Variants in CEP112 observed in about 807,000 individuals in gnomAD.
CEP112 encodes the protein centrosomal protein of 112 kDa.
In CEP112, 127 loss-of-function variants were observed where a neutral mutation model predicts 153.0. The observed-to-expected ratio is 0.83, with a 90% CI of 0.72 to 0.96. The LOEUF (loss-of-function observed/expected upper bound fraction) is 0.96. CEP112 is among the 40% of genes least tolerant of loss of function. CEP112 has a pLI of 0.00. For synonymous variants in CEP112, 358 were observed against 374.4 expected (o/e 0.96, Z 0.51); for missense variants, 1,089 against 1,101.2 (o/e 0.99, Z 0.16).
intron 3 of CEP112, among the ~76,000 whole-genome samples, chr17:66,176,111 G>A (rs1483273896): frequency 6.6e-6 from 1 of 152,172 alleles, no homozygotes; most frequent in Non-Finnish European, 1.5e-5. Flanking sequence ...TGACTAAATT[G>A]TGCTTTAAGT....
At chr17:65,671,300 A>T (rs1190175182) in intron 24 of CEP112, among the ~76,000 whole-genome samples, 2 of 152,194 alleles carry the variant, frequency 1.3e-5, no homozygotes, top group African/African-American at 4.8e-5. Flanking sequence ...TAGCATCCAT[A>T]AGGGGAGAAG....
intron 12 of CEP112, among the ~76,000 whole-genome samples, chr17:66,049,427 T>C (rs1002643491): frequency 6.6e-6 from 1 of 152,126 alleles, no homozygotes; most frequent in African/African-American, 2.4e-5. Context: ...ACAGATGAAC[T>C]AAGAATTTTA....
chr17:65,952,663 T>C (rs940805602), intron 18 of CEP112, among the ~76,000 whole-genome samples: 7 of 152,154 alleles, frequency 4.6e-5, no homozygotes. Context: ...GGTCATTGTG[T>C]ATTTAACATT....
chr17:65,772,089 T>C (rs2053389528), intron 21 of CEP112, among the ~76,000 whole-genome samples: 1 of 152,106 alleles, frequency 6.6e-6, no homozygotes, highest in Non-Finnish European at 1.5e-5. Flanking sequence ...CATATACTTA[T>C]ACAATGCAGC....
At chr17:66,127,911 TTCAA>T (rs1350169645) in intron 6 of CEP112, among the ~76,000 whole-genome samples, 64 of 152,318 alleles carry the variant, frequency 4.2e-4, no homozygotes, top group Non-Finnish European at 8.8e-5. Flanking sequence ...AGTTCAGCCT[TTCAA>T]TCAGTCACTT....
intron 12 of CEP112, among the ~76,000 whole-genome samples, chr17:66,042,066 T>A (rs957240591): frequency 1.3e-5 from 2 of 152,054 alleles, no homozygotes; most frequent in African/African-American, 4.8e-5. Context: ...TATGTATTCA[T>A]GGCTGGGCAC....
intron 12 of CEP112, among the ~76,000 whole-genome samples, chr17:66,040,284 C>T (rs553144952): frequency 1.3e-5 from 2 of 151,942 alleles, no homozygotes; most frequent in Admixed American, 6.6e-5. Context: ...ATTTACATTT[C>T]CCTGACTATT....
intron 25 of CEP112, among the ~76,000 whole-genome samples, chr17:65,639,504 T>C (rs2318481): frequency 0.71 from 107,677 of 151,544 alleles, 39,616 homozygotes; most frequent in East Asian, 0.95. Context: ...AGCGAAACCC[T>C]GTCTCTACAA....
intron 1 of CEP112, 34 bp from the exon 2 acceptor site, chr17:66,183,341 T>C (rs370400863): frequency 1.7e-5 from 25 of 1,433,246 alleles, no homozygotes; most frequent in Non-Finnish European, 2.4e-5. Flanking sequence ...TATTAAGGAT[T>C]TGTATGCTGA....
chr17:66,113,890 G>A (rs1270221216), intron 6 of CEP112, among the ~76,000 whole-genome samples: 2 of 152,186 alleles, frequency 1.3e-5, no homozygotes, highest in Non-Finnish European at 1.5e-5. Flanking sequence ...AGCCAGATGT[G>A]CTTTGAAGTT....
intron 11 of CEP112, among the ~76,000 whole-genome samples, chr17:66,056,838 T>A (rs1383137203): frequency 1.3e-5 from 2 of 152,118 alleles, no homozygotes; most frequent in Non-Finnish European, 2.9e-5. Flanking sequence ...TGTGAATACA[T>A]CAAAAAAACC....
chr17:66,132,559 T>C, intron 5 of CEP112, 111 bp downstream of exon 5: 1 of 777,554 alleles, frequency 1.3e-6, no homozygotes, highest in Non-Finnish European at 2.2e-6. Context: ...ATCATCCAAC[T>C]TTATTCTGTT....
At chr17:66,115,034 G>T (rs1328153718) in intron 6 of CEP112, among the ~76,000 whole-genome samples, 2 of 151,904 alleles carry the variant, frequency 1.3e-5, no homozygotes, top group East Asian at 1.9e-4. Context: ...GTGAAACCCT[G>T]TCTCTACTAA....
At chr17:65,706,200 G>A (rs1012125340) in intron 23 of CEP112, among the ~76,000 whole-genome samples, 7 of 152,304 alleles carry the variant, frequency 4.6e-5, no homozygotes, top group Non-Finnish European at 1.5e-5. Flanking sequence ...GACTGGGAAC[G>A]TCTTCAGGAA....
chr17:65,983,561 G>T (rs2063302939), intron 17 of CEP112, among the ~76,000 whole-genome samples: 1 of 152,036 alleles, frequency 6.6e-6, no homozygotes, highest in Non-Finnish European at 1.5e-5. Flanking sequence ...ATTGGTTCAT[G>T]CCAGAGATAG....
At position 65,942,124 on chromosome 17, in the gene CEP112, CA is replaced by C. The variant is rs2061523321; in HGVS notation, c.1873-14436del. ...CCTGCATCCAGCAGGAGGTGAGTGG[CA>C]GGGTGAGTGAGCATTACCACCTAAG... On this transcript the variant is annotated intron_variant, in intron 18 of 26. Coordinates refer to ENST00000535342, the MANE Select transcript of CEP112 (RefSeq NM_001199165.4). Among the ~76,000 whole-genome samples, 5 of 152,252 alleles carry C rather than the reference CA, an allele frequency of 3.3e-5. No individual in the cohort carries two copies. In the South Asian group the frequency reaches 1.0e-3, roughly 32 times the overall value.
intron 24 of CEP112, among the ~76,000 whole-genome samples, chr17:65,685,667 A>T (rs1163069609): frequency 3.8e-5 from 4 of 105,292 alleles, no homozygotes; most frequent in Non-Finnish European, 5.5e-5. Flanking sequence ...AATAGTTCTA[A>T]TTTTTTTTTT....
intron 23 of CEP112, among the ~76,000 whole-genome samples, chr17:65,734,146 A>G (rs912642492): frequency 6.6e-6 from 1 of 152,214 alleles, no homozygotes; most frequent in Non-Finnish European, 1.5e-5. Context: ...TCAGCACTGT[A>G]ATACAGCAAA....
intron 24 of CEP112, among the ~76,000 whole-genome samples, chr17:65,655,768 A>T (rs1165599744): frequency 6.6e-6 from 1 of 152,224 alleles, no homozygotes; most frequent in African/African-American, 2.4e-5. Flanking sequence ...ACAGGAAAAA[A>T]AAAAGATTGA....
Sources: gnomAD v4.1 joint callset for allele counts (sites outside exome capture counted in the v4.1 genomes callset) on GRCh38, gnomAD v4.1.1 for gene constraint, MANE v1.5 for transcripts, NCBI Gene and HGNC (gene_info 2026-07-23, HGNC 2026-07-21) for gene names.